CNBD1: variants seen among roughly 807,000 people sequenced by gnomAD.
The protein encoded by CNBD1 is cyclic nucleotide binding domain containing 1, also known as cyclic nucleotide-binding domain-containing protein 1.
A neutral mutation model predicts 54.4 loss-of-function variants in CNBD1; 71 were observed. The ratio of observed to expected loss-of-function variants is 1.30; its 90% confidence interval spans 1.08 to 1.59. The LOEUF (loss-of-function observed/expected upper bound fraction) is 1.59. Among genes scored for constraint, CNBD1 ranks in the 40% most tolerant of loss-of-function variants. The probability of loss-of-function intolerance (pLI) is 0.00; values close to 1 mark genes in which losing one functional copy is unlikely to be tolerated. For missense variants in CNBD1, 659 were observed against 518.0 expected (o/e 1.27, Z -2.64); for synonymous variants, 182 against 170.7 (o/e 1.07, Z -0.51).
At chr8:86,979,261 A>G (rs1052715488) in intron 4 of CNBD1, among the ~76,000 whole-genome samples, 1 of 151,930 alleles carries the variant, frequency 6.6e-6, no homozygotes. Flanking sequence ...AAAAGAATAA[A>G]GACTATAATA....
At chr8:87,378,512 T>G (rs1810998766) in intron 10 of CNBD1, among the ~76,000 whole-genome samples, 2 of 151,230 alleles carry the variant, frequency 1.3e-5, no homozygotes, top group African/African-American at 4.9e-5. Flanking sequence ...CATTGATCTA[T>G]ATCTCTGTTT....
chr8:87,250,124 T>C (rs1302609034), intron 6 of CNBD1, among the ~76,000 whole-genome samples: 3 of 152,048 alleles, frequency 2.0e-5, no homozygotes, highest in Non-Finnish European at 4.4e-5. Context: ...AACAACTCAA[T>C]AGCAAAAAAT....
At chr8:87,400,163 C>T (rs1239558548) in intron 2 of CNBD1, among the ~76,000 whole-genome samples, 2 of 151,924 alleles carry the variant, frequency 1.3e-5, no homozygotes, top group African/African-American at 4.8e-5. Context: ...TTGTGAACTA[C>T]CAATTATCCA....
At chr8:87,141,762 G>A (rs1413489220) in intron 4 of CNBD1, among the ~76,000 whole-genome samples, 1 of 151,954 alleles carries the variant, frequency 6.6e-6, no homozygotes, top group Non-Finnish European at 1.5e-5. Flanking sequence ...AGGTCCTATA[G>A]GAGCACTCAT....
chr8:86,881,479 A>G (rs1421047079), intron 1 of CNBD1, among the ~76,000 whole-genome samples: 2 of 152,138 alleles, frequency 1.3e-5, no homozygotes, highest in African/African-American at 4.8e-5. Flanking sequence ...AAAGATCTCT[A>G]CAAGGAGAAC....
intron 7 of CNBD1, among the ~76,000 whole-genome samples, chr8:87,286,286 T>C (rs542858743): frequency 6.6e-6 from 1 of 152,202 alleles, no homozygotes; most frequent in Admixed American, 6.6e-5. Context: ...TTTAAAAACT[T>C]CTAAAACATT....
intron 4 of CNBD1, among the ~76,000 whole-genome samples, chr8:87,110,377 T>C (rs1029729247): frequency 6.6e-6 from 1 of 152,168 alleles, no homozygotes; most frequent in South Asian, 2.1e-4. Context: ...CCATACCCTT[T>C]CTTGCTCTGG....
At chr8:87,256,917 T>G (rs11777496) in intron 6 of CNBD1, among the ~76,000 whole-genome samples, 42,220 of 151,164 alleles carry the variant, frequency 0.28, 6,355 homozygotes, top group African/African-American at 0.39. Flanking sequence ...TCTCATAAGA[T>G]CCAATCTTCG....
At chr8:87,387,086 T>C (rs535427883), downstream of CNBD1, among the ~76,000 whole-genome samples, 588 of 152,240 alleles carry the variant, frequency 3.9e-3, 8 homozygotes, top group African/African-American at 0.013. Context: ...AGGCCTGCCC[T>C]AAAAGAGCTC....
chr8:87,226,249 G>T (rs1166350747), intron 5 of CNBD1, among the ~76,000 whole-genome samples: 2 of 151,252 alleles, frequency 1.3e-5, no homozygotes, highest in Admixed American at 6.6e-5. Flanking sequence ...CTTCAGTTCT[G>T]CTCTGATTTT....
intron 3 of CNBD1, among the ~76,000 whole-genome samples, chr8:86,929,985 A>G (rs913197341): frequency 1.3e-5 from 2 of 152,152 alleles, no homozygotes; most frequent in African/African-American, 4.8e-5. Context: ...TCCTGTGGGA[A>G]GGCTTAAGGC....
chr8:87,324,494 C>G (rs1809625251), intron 8 of CNBD1, among the ~76,000 whole-genome samples: 2 of 144,998 alleles, frequency 1.4e-5, no homozygotes, highest in South Asian at 2.1e-4. Flanking sequence ...TGTTATTGGT[C>G]TATTCAGAGA....
At chr8:87,234,176 A>G (rs772391509) in intron 5 of CNBD1, among the ~76,000 whole-genome samples, 1 of 152,090 alleles carries the variant, frequency 6.6e-6, no homozygotes, top group Non-Finnish European at 1.5e-5. Context: ...CTCCTCCACC[A>G]AAGCCTTGAA....
chr8:87,395,188 G>A (rs189137919), intron 2 of CNBD1, among the ~76,000 whole-genome samples: 1 of 151,938 alleles, frequency 6.6e-6, no homozygotes, highest in Non-Finnish European at 1.5e-5. Flanking sequence ...ACTTTCATTA[G>A]TACCACTTTT....
chr8:87,386,449 G>A (rs550999927), downstream of CNBD1, among the ~76,000 whole-genome samples: 5 of 152,120 alleles, frequency 3.3e-5, no homozygotes, highest in Non-Finnish European at 7.4e-5. Flanking sequence ...ACCGTGGCAC[G>A]AGAACTATGT....
intron 4 of CNBD1, among the ~76,000 whole-genome samples, chr8:87,091,907 G>T (rs947455097): frequency 1.3e-5 from 2 of 152,068 alleles, no homozygotes; most frequent in South Asian, 4.1e-4. Context: ...ATAAATATGC[G>T]TAGGAAAAAG....
intron 6 of CNBD1, among the ~76,000 whole-genome samples, chr8:87,259,209 A>C (rs1195255264): frequency 6.6e-6 from 1 of 152,158 alleles, no homozygotes; most frequent in Non-Finnish European, 1.5e-5. Flanking sequence ...TGTCCTAAAC[A>C]TCCCTCTTTT....
intron 3 of CNBD1, among the ~76,000 whole-genome samples, chr8:86,939,056 A>G (rs1308999389): frequency 6.6e-6 from 1 of 152,170 alleles, no homozygotes; most frequent in Non-Finnish European, 1.5e-5. Context: ...GAAATGCTTA[A>G]TTCTAGAAAT....
intron 4 of CNBD1, among the ~76,000 whole-genome samples, chr8:87,115,658 G>A (rs1176971317): frequency 6.6e-6 from 1 of 152,144 alleles, no homozygotes; most frequent in African/African-American, 2.4e-5. Context: ...GTTCCCACTA[G>A]AGAGCTTGTG....
Sources: allele counts gnomAD v4.1 joint callset (sites outside exome capture counted in the v4.1 genomes callset), GRCh38; gene constraint gnomAD v4.1.1; transcripts MANE v1.5; gene names NCBI Gene and HGNC (gene_info 2026-07-23, HGNC 2026-07-21).